DNAJC5: variants seen among roughly 807,000 people sequenced by gnomAD.
DNAJC5 encodes the protein DnaJ heat shock protein family (Hsp40) member C5, also known as dnaJ homolog subfamily C member 5.
DNAJC5 carries 1 observed loss-of-function variant against 23.2 expected under a neutral mutation model. The observed-to-expected ratio is 0.04, with a 90% CI of 0.02 to 0.20. DNAJC5 has a LOEUF of 0.20. Among genes scored for constraint, DNAJC5 ranks in the 10% least tolerant of loss-of-function variants. The pLI is 1.00. For synonymous variants in DNAJC5, 136 were observed against 120.0 expected (o/e 1.13, Z -0.87); for missense variants, 180 against 267.0 (o/e 0.67, Z 2.27).
At chr20:63,925,758 A>AAAAT (rs397977181) in intron 1 of DNAJC5, among the ~76,000 whole-genome samples, 8 of 149,630 alleles carry the variant, frequency 5.3e-5, no homozygotes, top group African/African-American at 2.0e-4. Context: ...CTATCTCAAA[A>AAAAT]CCCCATATTG....
rs143268185 is a variant in DNAJC5, at chr20:63,912,449, A to G, written c.-11-15886A>G. 6.9e-3 allele frequency among the ~76,000 whole-genome samples: 1,054 copies of G among 152,168 alleles called. 6 individuals are homozygous for G. Among genetic ancestry groups the G allele is most frequent in the African/African-American group, 0.024 (1,003 of 41,512 alleles). On this transcript the variant is annotated intron_variant, in intron 1 of 4. Coordinates refer to ENST00000360864, the MANE Select transcript of DNAJC5 (RefSeq NM_025219.3). ...TTGGGTTTTTTTTGGAATAGATAAT[A>G]TCTATTCCAAATAAAAATCCAGAAA...
At chr20:63,901,687 G>C (rs1425712902) in intron 1 of DNAJC5, among the ~76,000 whole-genome samples, 2 of 152,332 alleles carry the variant, frequency 1.3e-5, no homozygotes, top group East Asian at 3.9e-4. Flanking sequence ...CTTTTATTTT[G>C]CTCCTCCTGT....
intron 1 of DNAJC5, among the ~76,000 whole-genome samples, chr20:63,905,187 C>T (rs2053439863): frequency 6.6e-6 from 1 of 151,478 alleles, no homozygotes; most frequent in South Asian, 2.1e-4. Context: ...ACGATCTCGG[C>T]TCACTGCAAC....
At chr20:63,905,149 C>T (rs1220065777) in intron 1 of DNAJC5, among the ~76,000 whole-genome samples, 1 of 131,528 alleles carries the variant, frequency 7.6e-6, no homozygotes, top group Non-Finnish European at 1.6e-5. Flanking sequence ...GGGTCTCGCT[C>T]TTGTCGCCCA....
At chr20:63,926,892 G>A (rs2053620869) in intron 1 of DNAJC5, among the ~76,000 whole-genome samples, 1 of 152,206 alleles carries the variant, frequency 6.6e-6, no homozygotes, top group Non-Finnish European at 1.5e-5. Context: ...AAGGAGACAT[G>A]AAATTAACCG....
chr20:63,895,506 GGGGGCGCGGGAAGGTCGGCGCC>G (rs2053368421), intron 1 of DNAJC5, among the ~76,000 whole-genome samples, 183 bp downstream of exon 1: 2 of 148,190 alleles, frequency 1.3e-5, no homozygotes. Context: ...GGGCCGGGGC[GGGGGCGCGGGAAGGTCGGCGCC>G]GGGGCCTGCG....
At chr20:63,902,333 C>T (rs1237515922) in intron 1 of DNAJC5, among the ~76,000 whole-genome samples, 2 of 147,192 alleles carry the variant, frequency 1.4e-5, no homozygotes, top group Non-Finnish European at 1.5e-5. Flanking sequence ...GGATTACAGG[C>T]GTGAGCCACT....
At chr20:63,930,007 G>A (rs1328424673) in intron 3 of DNAJC5, among the ~76,000 whole-genome samples, 3 of 152,206 alleles carry the variant, frequency 2.0e-5, no homozygotes, top group Non-Finnish European at 4.4e-5. Flanking sequence ...CCAGTCCTTC[G>A]TGAGACAGGA....
intron 1 of DNAJC5, among the ~76,000 whole-genome samples, chr20:63,910,010 G>T (rs538620884): frequency 1.3e-5 from 2 of 152,220 alleles, no homozygotes; most frequent in Admixed American, 1.3e-4. Flanking sequence ...TAACGATTCT[G>T]CTTTAGGAGC....
intron 1 of DNAJC5, among the ~76,000 whole-genome samples, chr20:63,914,817 T>G (rs1044337155): frequency 6.6e-6 from 1 of 151,796 alleles, no homozygotes; most frequent in Admixed American, 6.6e-5. Context: ...GGTTTCACTG[T>G]GTTGCCCAGG....
intron 1 of DNAJC5, among the ~76,000 whole-genome samples, chr20:63,902,123 C>T (rs1425870420): frequency 2.0e-5 from 3 of 151,708 alleles, no homozygotes; most frequent in Admixed American, 6.6e-5. Context: ...GACGCGATCT[C>T]GGCTCACTGC....
intron 1 of DNAJC5, among the ~76,000 whole-genome samples, chr20:63,917,918 T>A (rs752170191): frequency 6.6e-6 from 1 of 152,224 alleles, no homozygotes; most frequent in Non-Finnish European, 1.5e-5. Context: ...ACTGCCTGTC[T>A]TCTCACGCCT....
rs781125055 is a variant in DNAJC5 at position 63,920,868 on chromosome 20, GT to G, written c.-11-7463del. On this transcript the variant is annotated intron_variant, in intron 1 of 4. Transcript: ENST00000360864. The surrounding 1 kb of genome is among the most constrained non-coding windows in gnomAD (Gnocchi z 4.6). ...AATTTTGTATTTTTAGTAGAGACAG[GT>G]TTTCTCCATGTTGGTCAGGCTGGTC... is the stretch of plus-strand genomic sequence containing the variant. 6.6e-4 allele frequency among the ~76,000 whole-genome samples: 100 copies of G among 151,994 alleles called. No individual in the cohort carries two copies. The highest frequency in any genetic ancestry group is 1.1e-3 in the Non-Finnish European group (74 of 67,998).
intron 1 of DNAJC5, among the ~76,000 whole-genome samples, chr20:63,904,362 C>G (rs1470267985): frequency 6.6e-6 from 1 of 152,148 alleles, no homozygotes; most frequent in East Asian, 1.9e-4. Flanking sequence ...ATCATCCCGC[C>G]AGGTTGGGTA....
chr20:63,920,139 A>G lies in DNAJC5; in HGVS notation c.-11-8196A>G, dbSNP rs903708192. 6.8e-5 allele frequency among the ~76,000 whole-genome samples: 9 copies of G among 133,176 alleles called. No homozygotes were observed. Among genetic ancestry groups the G allele is most frequent in the African/African-American group, 2.6e-4 (9 of 34,616 alleles). 87.4% of individuals were successfully genotyped at this position (133,176 alleles called of 152,430 possible). On this transcript the variant is annotated intron_variant, in intron 1 of 4. Transcript: ENST00000360864. The surrounding 1 kb of genome is among the most constrained non-coding windows in gnomAD (Gnocchi z 4.6). The stretch of plus-strand genomic sequence containing the variant: ...GGGACAGCGCCACGGAAGAGGACGC[A>G]CAGGACAGCGCCACGGAAGAGGACG...
Position 63,935,755 on chromosome 20 carries a change from G to A in DNAJC5, c.*4187G>A, listed in dbSNP as rs1413484833. Reference sequence around the variant, plus strand: ...AAAATGGGGAAAATGTTTCAAGCCAGGTGAGGGGGGAAGTTAACACTGAAA... The same window carrying A: ...AAAATGGGGAAAATGTTTCAAGCCAAGTGAGGGGGGAAGTTAACACTGAAA... On this transcript the variant is annotated 3_prime_UTR_variant, in exon 5 of 5. Coordinates refer to ENST00000360864, the MANE Select transcript of DNAJC5 (RefSeq NM_025219.3). 6.6e-6 allele frequency: 1 copy of A among 152,272 alleles called. No individual in the cohort carries two copies. The highest frequency in any genetic ancestry group is 1.5e-5 in the Non-Finnish European group (1 of 68,054). 9.4% of individuals were successfully genotyped at this position (152,272 alleles called of 1,614,324 possible). A position where few individuals can be genotyped will look rare whatever the true frequency, so the allele number is the denominator to read the frequency against.
chr20:63,929,731 C>CGGGCACCCGAGTCTCTCCTGCCATGA lies in DNAJC5; in HGVS notation c.321+231_321+232insAGGGCACCCGAGTCTCTCCTGCCATG, dbSNP rs1568989654. On this transcript the variant is annotated intron_variant, in intron 3 of 4. Coordinates refer to ENST00000360864, the MANE Select transcript of DNAJC5 (RefSeq NM_025219.3). This position sits in a 1 kb window ranked among gnomAD's most constrained non-coding sequence, Gnocchi z 8.6. ...GGGCGCCCGAGTCACTCCTGCCGTG[C>CGGGCACCCGAGTCTCTCCTGCCATGA]GGGCACCCGAGTCTCTCCTGCCATG... 3.0e-5 allele frequency among the ~76,000 whole-genome samples: 4 copies of CGGGCACCCGAGTCTCTCCTGCCATGA among 132,132 alleles called. 1 individual carries two copies. Among genetic ancestry groups the CGGGCACCCGAGTCTCTCCTGCCATGA allele is most frequent in the Non-Finnish European group, 1.7e-5 (1 of 57,964 alleles). The allele number at this position is 132,132 out of a possible 152,430, so 86.7% of individuals were successfully genotyped here.
chr20:63,933,291 A>T lies in DNAJC5; in HGVS notation c.*1723A>T, dbSNP rs1274027992. 1 of 152,374 alleles carries T rather than the reference A, an allele frequency of 6.6e-6. No individual in the cohort carries two copies. The highest frequency in any genetic ancestry group is 1.9e-4 in the East Asian group (1 of 5,316). The allele number at this position is 152,374 out of a possible 1,614,324, so 9.4% of individuals were successfully genotyped here. On this transcript the variant is annotated 3_prime_UTR_variant, in exon 5 of 5. Coordinates refer to ENST00000360864, the MANE Select transcript of DNAJC5 (RefSeq NM_025219.3). The stretch of plus-strand genomic sequence containing the variant: ...AAGGGTAGGTTCAGGTTGACCAGGA[A>T]GCTGCCAAAAGGGACATGGATATGA...
intron 1 of DNAJC5, among the ~76,000 whole-genome samples, chr20:63,906,121 T>G (rs1362826848): frequency 6.6e-6 from 1 of 152,212 alleles, no homozygotes; most frequent in Non-Finnish European, 1.5e-5. Flanking sequence ...GAGAATTAAT[T>G]AAAATATAGC....
Sources: gnomAD v4.1 joint callset for allele counts (sites outside exome capture counted in the v4.1 genomes callset) on GRCh38, gnomAD v4.1.1 for gene constraint, Gnocchi (gnomAD v3.1) non-coding constraint, MANE v1.5 for transcripts, NCBI Gene and HGNC (gene_info 2026-07-23, HGNC 2026-07-21) for gene names.